PTPRA: variants seen among roughly 807,000 people sequenced by gnomAD.
The protein encoded by PTPRA is protein tyrosine phosphatase receptor type A.
In PTPRA, 25 loss-of-function variants were observed where a neutral mutation model predicts 104.8. The observed-to-expected ratio is 0.24, with a 90% CI of 0.17 to 0.33. The LOEUF (loss-of-function observed/expected upper bound fraction) is 0.33. Ranked by LOEUF, PTPRA falls within the 10% of genes least tolerant of loss-of-function variation. PTPRA has a pLI of 1.00. For synonymous variants in PTPRA, 323 were observed against 368.9 expected, an observed-to-expected ratio of 0.88 and a Z score of 1.43; for missense variants, 765 against 1,015.3, an observed-to-expected ratio of 0.75 and a Z score of 3.35.
At chr20:3,017,954 C>T in intron 13 of PTPRA, 41 bp downstream of exon 13, 1 of 1,523,112 alleles carries the variant, frequency 6.6e-7, no homozygotes, top group Non-Finnish European at 9.1e-7. Flanking sequence ...AAGGATCACT[C>T]TGCATATAAG....
At chr20:2,872,854 G>C (rs2089463315), upstream of PTPRA, among the ~76,000 whole-genome samples, 1 of 152,242 alleles carries the variant, frequency 6.6e-6, no homozygotes, top group Admixed American at 6.5e-5. The surrounding 1 kb of genome is among the most constrained non-coding windows in gnomAD (Gnocchi z 7.9). Context: ...AGAGCACCAT[G>C]TGTTGTGCTT....
At chr20:2,948,718 A>G (rs1374403783) in intron 3 of PTPRA, among the ~76,000 whole-genome samples, 11 of 151,856 alleles carry the variant, frequency 7.2e-5, no homozygotes, top group East Asian at 1.9e-4. Flanking sequence ...TTGGGAGGCC[A>G]AGGTGGGCGG....
chr20:2,970,610 A>G (rs1204448071), intron 5 of PTPRA, among the ~76,000 whole-genome samples: 2 of 152,180 alleles, frequency 1.3e-5, no homozygotes, highest in Admixed American at 6.5e-5. Context: ...TCCTTTGCCT[A>G]TGGTAAAACT....
At chr20:2,905,281 T>C (rs1015374842) in intron 1 of PTPRA, among the ~76,000 whole-genome samples, 6 of 152,214 alleles carry the variant, frequency 3.9e-5, no homozygotes, top group Admixed American at 3.3e-4. Context: ...TGGAGACCGC[T>C]GATAATAGAG....
intron 13 of PTPRA, among the ~76,000 whole-genome samples, chr20:3,019,559 G>A (rs1242087255): frequency 6.6e-6 from 1 of 151,206 alleles, no homozygotes; most frequent in South Asian, 2.1e-4. Context: ...ATGGGATGGC[G>A]GCCGGGCAGA....
At chr20:2,981,283 A>G (rs1294378854) in intron 6 of PTPRA, among the ~76,000 whole-genome samples, 2 of 152,210 alleles carry the variant, frequency 1.3e-5, no homozygotes, top group Non-Finnish European at 2.9e-5. Context: ...TCTCTTGGTG[A>G]TACATACCTA....
At chr20:2,953,663 A>G (rs1486443485) in intron 3 of PTPRA, among the ~76,000 whole-genome samples, 1 of 148,852 alleles carries the variant, frequency 6.7e-6, no homozygotes, top group African/African-American at 2.5e-5. Context: ...GCTGGAGTGT[A>G]GTGACGTGAT....
intron 3 of PTPRA, among the ~76,000 whole-genome samples, chr20:2,957,923 T>C (rs897990513): frequency 6.6e-6 from 1 of 151,640 alleles, no homozygotes; most frequent in Non-Finnish European, 1.5e-5. Flanking sequence ...TGATTTGTAG[T>C]GATACAACCC....
intron 2 of PTPRA, among the ~76,000 whole-genome samples, chr20:2,945,021 C>T (rs747022405): frequency 1.0e-3 from 156 of 152,192 alleles, no homozygotes; most frequent in Non-Finnish European, 1.8e-3. Flanking sequence ...ATCCTTTATA[C>T]CTCTTACCTT....
At chr20:2,900,857 CAAAA>C (rs552826526) in intron 1 of PTPRA, among the ~76,000 whole-genome samples, 1 of 123,830 alleles carries the variant, frequency 8.1e-6, no homozygotes. Flanking sequence ...AACTCCATCT[CAAAA>C]AAAAAAAAAA....
chr20:2,949,818 T>A lies in PTPRA; in HGVS notation c.-7+1794T>A, dbSNP rs573509165. Among the ~76,000 whole-genome samples the A allele has an allele frequency of 6.2e-4, 95 of 152,262 alleles. 1 individual carries two copies. Among genetic ancestry groups the A allele is most frequent in the African/African-American group, 2.2e-3 (90 of 41,572 alleles). On this transcript the variant is annotated intron_variant, in intron 3 of 23. Transcript: ENST00000399903. ...AAAATCTTGAATTCATATGTTTTTA[T>A]CTAATGCATTTTCTACATCAGTTGA...
intron 1 of PTPRA, among the ~76,000 whole-genome samples, chr20:2,904,124 C>G (rs1003608820): frequency 2.6e-5 from 4 of 151,934 alleles, no homozygotes; most frequent in African/African-American, 9.7e-5. Flanking sequence ...CTATGATGCC[C>G]CGGCTGGTCT....
chr20:2,889,757 G>T, intron 1 of PTPRA, among the ~76,000 whole-genome samples: 1 of 152,116 alleles, frequency 6.6e-6, no homozygotes, highest in East Asian at 1.9e-4. Flanking sequence ...TTTGAGACTG[G>T]GAAAGGGAAC....
chr20:2,982,819 C>T (rs907738910), intron 6 of PTPRA, among the ~76,000 whole-genome samples: 2 of 152,028 alleles, frequency 1.3e-5, no homozygotes, highest in African/African-American at 2.4e-5. Flanking sequence ...GCCTCAGCCT[C>T]CTAAGTAGCT....
chr20:2,931,655 A>G (rs967981515), intron 2 of PTPRA, among the ~76,000 whole-genome samples: 2 of 152,130 alleles, frequency 1.3e-5, no homozygotes, highest in African/African-American at 4.8e-5. Flanking sequence ...CCTGGAACAA[A>G]TGTGGCATTG....
Position 3,037,195 on chromosome 20 carries a change from C to A in PTPRA, c.2240C>A (p.Thr747Asn). 1 of 1,614,168 alleles carries A rather than the reference C, an allele frequency of 6.2e-7. No individual in the cohort carries two copies. The highest frequency in any genetic ancestry group is 1.1e-5 in the South Asian group (1 of 91,082). Residue 747 changes from threonine to asparagine, a missense_variant, in exon 23 of 24, where the codon ACC becomes AAC. Thr to Asn is a moderately conservative substitution (Grantham distance 65). Around this residue, in one of 4 missense-constraint regions of PTPRA, gnomAD observed 72 missense variants for 140.7 expected, o/e 0.51. Coordinates refer to ENST00000399903, the MANE Select transcript of PTPRA (RefSeq NM_001385305.1). The surrounding 1 kb of genome is among the most constrained non-coding windows in gnomAD (Gnocchi z 4.3). ...GRTGTFCALS[T>N]VLERVKAEGI... ...ACGGGGACCTTCTGTGCCCTGAGCA[C>A]CGTCCTGGAGCGTGTGAAAGCAGAG... is the stretch of plus-strand genomic sequence containing the variant.
At chr20:2,864,913 G>A in the PTPRA span, 1 of 1,604,282 alleles carries the variant, frequency 6.2e-7, no homozygotes, top group Non-Finnish European at 8.5e-7. The surrounding 1 kb of genome is among the most constrained non-coding windows in gnomAD (Gnocchi z 5.2). Context: ...GAAGACTGTA[G>A]CCTGGGTGAG....
intron 5 of PTPRA, among the ~76,000 whole-genome samples, chr20:2,965,865 AG>A (rs1337372749): frequency 6.6e-6 from 1 of 152,214 alleles, no homozygotes; most frequent in African/African-American, 2.4e-5. Flanking sequence ...AGGTAAGACA[AG>A]TTTCTGACCT....
At chr20:2,975,647 C>T (rs764937365) in intron 6 of PTPRA, among the ~76,000 whole-genome samples, 15 of 151,966 alleles carry the variant, frequency 9.9e-5, no homozygotes, top group Non-Finnish European at 1.6e-4. Flanking sequence ...CCCTTTGTGG[C>T]TTTATATGGA....
Sources: allele counts gnomAD v4.1 joint callset (sites outside exome capture counted in the v4.1 genomes callset), GRCh38; gene constraint gnomAD v4.1.1; regional missense constraint gnomAD v4.1.1; non-coding constraint Gnocchi (gnomAD v3.1); transcripts MANE v1.5; gene names NCBI Gene and HGNC (gene_info 2026-07-23, HGNC 2026-07-21).